Variants in THSD4 observed in about 807,000 individuals in gnomAD.
THSD4 encodes thrombospondin type-1 domain-containing protein 4.
In THSD4, 69 loss-of-function variants were observed where a neutral mutation model predicts 119.0. The observed-to-expected ratio is 0.58, with a 90% confidence interval of 0.48 to 0.71. THSD4 has a LOEUF of 0.71. Among genes scored for constraint, THSD4 ranks in the 30% least tolerant of loss-of-function variants. The probability of loss-of-function intolerance (pLI) is 0.00; values close to 1 mark genes in which losing one functional copy is unlikely to be tolerated. For missense variants in THSD4, 1,393 were observed against 1,391.1 expected (o/e 1.00, Z -0.02); for synonymous variants, 524 against 540.4 (o/e 0.97, Z 0.42).
rs369430349 is a variant in THSD4 at position 71,609,851 on chromosome 15, CAAAAAAA to C, written c.1153-50669_1153-50663del. On this transcript the variant is annotated intron_variant, in intron 7 of 17. Transcript: ENST00000261862. Reference sequence around the variant, plus strand: ...TGGGCGACAGAGCAAGACTCCGTCTCAAAAAAAAAAAAAAAAGAAAAAAAGAAAAAGA... The same window carrying C: ...TGGGCGACAGAGCAAGACTCCGTCTCAAAAAAAAAGAAAAAAAGAAAAAGA... Among the ~76,000 whole-genome samples the C allele has an allele frequency of 4.0e-3, 462 of 115,574 alleles. 1 individual carries two copies. Among genetic ancestry groups the C allele is most frequent in the African/African-American group, 0.013 (374 of 29,438 alleles). 75.8% of individuals were successfully genotyped at this position (115,574 alleles called of 152,430 possible).
chr15:71,101,599 C>G (rs912524154), intron 1 of THSD4, among the ~76,000 whole-genome samples: 20 of 152,156 alleles, frequency 1.3e-4, no homozygotes, highest in African/African-American at 4.8e-4. Flanking sequence ...TCTTATGGAA[C>G]AAGTCTGGTA....
chr15:71,756,993 G>A (rs2053550906), intron 14 of THSD4, among the ~76,000 whole-genome samples: 1 of 152,138 alleles, frequency 6.6e-6, no homozygotes, highest in South Asian at 2.1e-4. Context: ...ATGAGGCTTA[G>A]TTTCTCTATC....
At chr15:71,229,822 T>G (rs1291554362) in intron 4 of THSD4, among the ~76,000 whole-genome samples, 1 of 152,216 alleles carries the variant, frequency 6.6e-6, no homozygotes, top group Non-Finnish European at 1.5e-5. Context: ...TTATCATGAT[T>G]GATAATTATG....
At chr15:71,225,912 T>C (rs1479795849) in intron 4 of THSD4, among the ~76,000 whole-genome samples, 1 of 152,154 alleles carries the variant, frequency 6.6e-6, no homozygotes, top group Non-Finnish European at 1.5e-5. Flanking sequence ...ATTGTAACTC[T>C]TCAATTCCCT....
intron 8 of THSD4, among the ~76,000 whole-genome samples, chr15:71,687,499 T>A (rs2051936895): frequency 6.6e-6 from 1 of 152,134 alleles, no homozygotes; most frequent in African/African-American, 2.4e-5. Context: ...CTCACACCGG[T>A]AATCCCAGCA....
intron 1 of THSD4, chr15:71,110,430 T>G (rs2040294749): frequency 6.6e-6 from 1 of 152,306 alleles, no homozygotes; most frequent in Admixed American, 6.5e-5. Context: ...GGCTTCCTCT[T>G]GCTCATTTGA....
chr15:71,503,119 G>A (rs1368281157), intron 7 of THSD4, among the ~76,000 whole-genome samples: 1 of 152,218 alleles, frequency 6.6e-6, no homozygotes, highest in South Asian at 2.1e-4. Flanking sequence ...ATGGATGGCA[G>A]AGAAGCCCTC....
intron 6 of THSD4, among the ~76,000 whole-genome samples, chr15:71,283,207 G>A (rs996983497): frequency 1.3e-5 from 2 of 152,190 alleles, no homozygotes; most frequent in East Asian, 1.9e-4. Context: ...CTGATGTCAC[G>A]ATCCGCCAGC....
intron 7 of THSD4, among the ~76,000 whole-genome samples, chr15:71,428,181 A>AG (rs1236756783): frequency 6.6e-6 from 1 of 152,186 alleles, no homozygotes; most frequent in African/African-American, 2.4e-5. Flanking sequence ...GCACTGTCTA[A>AG]GTAGGATCTG....
chr15:71,727,477 C>T (rs1421245418), intron 8 of THSD4, among the ~76,000 whole-genome samples: 1 of 148,492 alleles, frequency 6.7e-6, no homozygotes, highest in Non-Finnish European at 1.5e-5. Context: ...AGGCAGATCG[C>T]TTGAGCTCAG....
chr15:71,201,655 G>A (rs951722649), intron 3 of THSD4, among the ~76,000 whole-genome samples: 1 of 152,216 alleles, frequency 6.6e-6, no homozygotes, highest in African/African-American at 2.4e-5. Context: ...GTCCCAAGGC[G>A]TGGTTCTTGT....
At chr15:71,344,350 G>T (rs1047048803) in intron 6 of THSD4, among the ~76,000 whole-genome samples, 30 of 152,256 alleles carry the variant, frequency 2.0e-4, no homozygotes, top group African/African-American at 7.0e-4. Context: ...GCCCAGCCAG[G>T]ATTCTTAATA....
intron 8 of THSD4, among the ~76,000 whole-genome samples, chr15:71,696,944 C>T (rs533611141): frequency 2.2e-4 from 34 of 152,268 alleles, no homozygotes; most frequent in Admixed American, 1.9e-3. Context: ...GTGTCCAGGT[C>T]GATCATGGTG....
chr15:71,124,835 G>T lies in THSD4; in HGVS notation c.-80+9137G>T, dbSNP rs1483362559. Among the ~76,000 whole-genome samples the T allele has an allele frequency of 2.0e-5, 3 of 152,270 alleles. No individual in the cohort carries two copies. In the East Asian group the frequency reaches 5.8e-4, roughly 29 times the overall value. ...GGATGAGAAGATCGCTTGAGCCCAG[G>T]AGTTCGAGACCAGCCTGGGCAACAA... On this transcript the variant is annotated intron_variant, in intron 1 of 17. Transcript: ENST00000261862.
At chr15:71,523,405 C>G (rs1336626730) in intron 7 of THSD4, among the ~76,000 whole-genome samples, 2 of 152,216 alleles carry the variant, frequency 1.3e-5, no homozygotes, top group African/African-American at 4.8e-5. Context: ...AGGACACATG[C>G]CATTGGATTT....
chr15:71,574,897 C>T (rs548902008), intron 7 of THSD4, among the ~76,000 whole-genome samples: 2 of 152,212 alleles, frequency 1.3e-5, no homozygotes, highest in South Asian at 2.1e-4. Flanking sequence ...TCTAGATATC[C>T]TGGAATATGT....
chr15:71,114,512 T>A (rs532297472), upstream of THSD4, among the ~76,000 whole-genome samples: 1 of 152,252 alleles, frequency 6.6e-6, no homozygotes, highest in East Asian at 1.9e-4. Flanking sequence ...GAAGAGACAG[T>A]TCCTCACAGT....
intron 14 of THSD4, among the ~76,000 whole-genome samples, chr15:71,756,789 A>G (rs757496067): frequency 5.9e-5 from 9 of 152,236 alleles, no homozygotes; most frequent in Non-Finnish European, 1.2e-4. Flanking sequence ...CTGTCTCGAA[A>G]AAAAGAAAAG....
At chr15:71,748,985 C>T (rs2053394892) in intron 14 of THSD4, among the ~76,000 whole-genome samples, 2 of 152,230 alleles carry the variant, frequency 1.3e-5, no homozygotes, top group Non-Finnish European at 2.9e-5. Flanking sequence ...TCCCCAGTAG[C>T]CTGGCCTCCC....
Sources: allele counts gnomAD v4.1 joint callset (sites outside exome capture counted in the v4.1 genomes callset), GRCh38; gene constraint gnomAD v4.1.1; transcripts MANE v1.5; gene names NCBI Gene and HGNC (gene_info 2026-07-23, HGNC 2026-07-21).